The following SLCO3A1 variants were observed in gnomAD, a reference collection of about 807,000 sequenced individuals.
SLCO3A1 encodes solute carrier organic anion transporter family member 3A1.
In SLCO3A1, 27 loss-of-function variants were observed where a neutral mutation model predicts 63.1. The ratio of observed to expected loss-of-function variants is 0.43; its 90% CI spans 0.32 to 0.59. The LOEUF (loss-of-function observed/expected upper bound fraction) is 0.59. Ranked by LOEUF, SLCO3A1 falls within the 20% of genes least tolerant of loss-of-function variation. SLCO3A1 has a pLI of 0.09. For synonymous variants in SLCO3A1, 473 were observed against 409.9 expected, an observed-to-expected ratio of 1.15 and a Z score of -1.86; for missense variants, 773 against 945.8, an observed-to-expected ratio of 0.82 and a Z score of 2.40.
chr15:92,134,857 G>A (rs1222263599), intron 7 of SLCO3A1, among the ~76,000 whole-genome samples: 1 of 152,166 alleles, frequency 6.6e-6, no homozygotes, highest in East Asian at 1.9e-4. Flanking sequence ...TATCAGGCCT[G>A]CTGGGGTAGA....
intron 1 of SLCO3A1, among the ~76,000 whole-genome samples, chr15:91,887,361 A>G (rs1167812254): frequency 6.6e-6 from 1 of 152,042 alleles, no homozygotes; most frequent in Non-Finnish European, 1.5e-5. Flanking sequence ...TCCTGCAACA[A>G]TGACCCTAAA....
At chr15:92,143,069 C>T (rs1214840321) in intron 7 of SLCO3A1, among the ~76,000 whole-genome samples, 1 of 151,350 alleles carries the variant, frequency 6.6e-6, no homozygotes, top group Non-Finnish European at 1.5e-5. Flanking sequence ...TATGTAGCCT[C>T]TCAGGAACAC....
intron 2 of SLCO3A1, among the ~76,000 whole-genome samples, chr15:92,040,584 T>C (rs1489651575): frequency 1.3e-5 from 2 of 152,182 alleles, no homozygotes; most frequent in African/African-American, 4.8e-5. Flanking sequence ...AGCAGTGTCC[T>C]ACCATGACAC....
At chr15:92,090,976 G>T (rs2047466701) in intron 2 of SLCO3A1, among the ~76,000 whole-genome samples, 1 of 152,222 alleles carries the variant, frequency 6.6e-6, no homozygotes, top group South Asian at 2.1e-4. Context: ...AAGGTTCATG[G>T]AGCTGGGAAG....
intron 1 of SLCO3A1, among the ~76,000 whole-genome samples, chr15:91,879,582 GA>G (rs1897500392): frequency 6.6e-6 from 1 of 152,228 alleles, no homozygotes; most frequent in East Asian, 1.9e-4. Flanking sequence ...AAATATGGCT[GA>G]AAACTAAGAA....
chr15:91,987,718 T>G (rs895443379), intron 2 of SLCO3A1, among the ~76,000 whole-genome samples: 2 of 145,820 alleles, frequency 1.4e-5, no homozygotes, highest in African/African-American at 5.1e-5. Context: ...CACTCCAGCC[T>G]GGGCGACAGA....
At chr15:91,877,836 GT>G (rs1897439320) in intron 1 of SLCO3A1, among the ~76,000 whole-genome samples, 1 of 152,166 alleles carries the variant, frequency 6.6e-6, no homozygotes, top group Non-Finnish European at 1.5e-5. Context: ...TCTGAGACCT[GT>G]AGTCTGATCT....
chr15:92,045,227 T>A (rs971273945), intron 2 of SLCO3A1, among the ~76,000 whole-genome samples: 1 of 149,556 alleles, frequency 6.7e-6, no homozygotes, highest in Non-Finnish European at 1.5e-5. Context: ...TTCCAGTGAG[T>A]TGAGATCACA....
chr15:92,054,804 G>A (rs932637585), intron 2 of SLCO3A1, among the ~76,000 whole-genome samples: 3 of 152,144 alleles, frequency 2.0e-5, no homozygotes, highest in Non-Finnish European at 4.4e-5. Flanking sequence ...TGGCTGCATA[G>A]TATTCCATAG....
chr15:92,108,383 C>T (rs1266588305), intron 4 of SLCO3A1, among the ~76,000 whole-genome samples: 1 of 152,218 alleles, frequency 6.6e-6, no homozygotes, highest in Admixed American at 6.5e-5. Flanking sequence ...TTTTACACAC[C>T]TCACATTCGT....
intron 2 of SLCO3A1, among the ~76,000 whole-genome samples, chr15:92,053,523 G>A (rs138382590): frequency 6.6e-6 from 1 of 152,156 alleles, no homozygotes; most frequent in East Asian, 1.9e-4. Flanking sequence ...TCCCATCCGG[G>A]ACATCGCATT....
chr15:92,146,963 G>C, intron 7 of SLCO3A1, 21 bp from the exon 8 acceptor site: 1 of 1,592,164 alleles, frequency 6.3e-7, no homozygotes, highest in South Asian at 1.2e-5. Flanking sequence ...CAGATAAAAG[G>C]GCTGAACGCT....
chr15:92,015,805 C>T (rs1436191895), intron 2 of SLCO3A1, among the ~76,000 whole-genome samples: 1 of 152,118 alleles, frequency 6.6e-6, no homozygotes, highest in Non-Finnish European at 1.5e-5. Flanking sequence ...ACCCCATTTG[C>T]TCAATCAGGA....
intron 8 of SLCO3A1, among the ~76,000 whole-genome samples, chr15:92,150,081 A>AG (rs1421193289): frequency 2.6e-5 from 4 of 152,162 alleles, no homozygotes; most frequent in Non-Finnish European, 5.9e-5. Context: ...GCTCAATGAA[A>AG]GTCATGACCT....
chr15:91,889,326 G>C lies in SLCO3A1; in HGVS notation c.181-26667G>C, dbSNP rs8040434. The C allele has an allele frequency of 7.5e-3, 3,146 of 419,864 alleles. 85 individuals carry two copies. Among genetic ancestry groups the C allele is most frequent in the African/African-American group, 0.06 (2,872 of 48,230 alleles). 26.0% of individuals were successfully genotyped at this position (419,864 alleles called of 1,614,324 possible). A position where few individuals can be genotyped will look rare whatever the true frequency, so the allele number is the denominator to read the frequency against. The stretch of plus-strand genomic sequence containing the variant: ...GGCCTCTGCTATCTCCCCTAAGGCT[G>C]TTACTCATCACTCAGCACTTATCCT... On this transcript the variant is annotated intron_variant, in intron 1 of 9. Transcript: ENST00000318445.
chr15:92,163,230 TAC>T lies in SLCO3A1; in HGVS notation c.*105_*106del, dbSNP rs2048462893. 1.5e-5 allele frequency: 21 copies of T among 1,441,178 alleles called. No individual in the cohort carries two copies. The highest frequency in any genetic ancestry group is 1.3e-4 in the South Asian group (8 of 60,940). 89.3% of individuals were successfully genotyped at this position (1,441,178 alleles called of 1,614,324 possible). On this transcript the variant is annotated 3_prime_UTR_variant, in exon 10 of 10. Coordinates refer to ENST00000318445, the MANE Select transcript of SLCO3A1 (RefSeq NM_013272.4). The stretch of plus-strand genomic sequence containing the variant: ...GGTTCCAAAAAAAACCAAAACTCAG[TAC>T]ACACACACAGGCACAGATGCACACA...
chr15:92,151,336 G>A (rs891449052), intron 9 of SLCO3A1: 8 of 219,044 alleles, frequency 3.7e-5, no homozygotes, highest in African/African-American at 1.1e-4. Flanking sequence ...AGCAAGCCAT[G>A]AGCAGCTTGT....
intron 2 of SLCO3A1, among the ~76,000 whole-genome samples, chr15:91,984,532 T>C (rs1267242569): frequency 3.3e-5 from 5 of 152,210 alleles, no homozygotes; most frequent in Non-Finnish European, 7.3e-5. Flanking sequence ...TTGTGATAAG[T>C]ACCAACAATA....
chr15:92,120,344 G>A (rs2047848710), intron 4 of SLCO3A1, 121 bp from the exon 5 acceptor site: 1 of 1,022,492 alleles, frequency 9.8e-7, no homozygotes, highest in Non-Finnish European at 1.4e-6. Context: ...GGTACCTCTG[G>A]ATGCTGTTTG....
Sources: allele counts gnomAD v4.1 joint callset (sites outside exome capture counted in the v4.1 genomes callset), GRCh38; gene constraint gnomAD v4.1.1; transcripts MANE v1.5; gene names NCBI Gene and HGNC (gene_info 2026-07-23, HGNC 2026-07-21).